Variants in PIBF1 observed in about 807,000 individuals in gnomAD.
PIBF1 encodes progesterone-induced-blocking factor 1.
Under a neutral mutation model 112.5 loss-of-function variants are expected in PIBF1, and 90 were observed. The ratio of observed to expected loss-of-function variants is 0.80; its 90% confidence interval spans 0.67 to 0.95. The LOEUF is 0.95. Among genes scored for constraint, PIBF1 ranks in the 40% least tolerant of loss-of-function variants. The probability of loss-of-function intolerance (pLI) is 0.00; values close to 1 mark genes in which losing one functional copy is unlikely to be tolerated. For missense variants in PIBF1, 915 were observed against 852.3 expected (o/e 1.07, Z -0.92); for synonymous variants, 301 against 288.6 (o/e 1.04, Z -0.44).
At chr13:72,957,256 C>T (rs1285043489) in intron 14 of PIBF1, among the ~76,000 whole-genome samples, 1 of 152,106 alleles carries the variant, frequency 6.6e-6, no homozygotes, top group Non-Finnish European at 1.5e-5. Flanking sequence ...AAATATGGAA[C>T]CAGCTCAAAT....
chr13:72,796,107 T>C (rs1414258167), intron 4 of PIBF1, among the ~76,000 whole-genome samples: 1 of 152,176 alleles, frequency 6.6e-6, no homozygotes, highest in African/African-American at 2.4e-5. Flanking sequence ...ATATTTACCA[T>C]ACTAGAATTT....
At chr13:73,013,111 C>T (rs1296098159) in intron 17 of PIBF1, among the ~76,000 whole-genome samples, 1 of 151,200 alleles carries the variant, frequency 6.6e-6, no homozygotes, top group Non-Finnish European at 1.5e-5. Context: ...ACCATCCTGG[C>T]TAACACGGTG....
intron 6 of PIBF1, among the ~76,000 whole-genome samples, chr13:72,826,768 T>A (rs1216889616): frequency 1.3e-5 from 2 of 152,238 alleles, no homozygotes; most frequent in East Asian, 3.8e-4. Context: ...TTTACTGTAC[T>A]GGCTTATGTA....
chr13:72,971,239 G>A (rs536423804), intron 15 of PIBF1, among the ~76,000 whole-genome samples: 85 of 151,402 alleles, frequency 5.6e-4, no homozygotes, highest in Non-Finnish European at 1.0e-3. Context: ...CTGAATGTGA[G>A]TATATGCTTA....
At chr13:72,950,037 C>T (rs1456938205) in intron 14 of PIBF1, among the ~76,000 whole-genome samples, 2 of 152,096 alleles carry the variant, frequency 1.3e-5, no homozygotes, top group Non-Finnish European at 2.9e-5. Context: ...GCAAGCTAAT[C>T]CAACCTCTAT....
At chr13:72,796,043 T>TA (rs2035175520) in intron 4 of PIBF1, among the ~76,000 whole-genome samples, 1 of 152,190 alleles carries the variant, frequency 6.6e-6, no homozygotes, top group African/African-American at 2.4e-5. Context: ...ATTTACATTC[T>TA]AAAAGTTATT....
intron 16 of PIBF1, among the ~76,000 whole-genome samples, chr13:72,992,285 C>T (rs768428197): frequency 7.9e-5 from 12 of 152,142 alleles, no homozygotes; most frequent in Non-Finnish European, 1.6e-4. Flanking sequence ...TTACAATGAA[C>T]AAATAATATT....
At chr13:72,990,615 A>G (rs546909489) in intron 16 of PIBF1, among the ~76,000 whole-genome samples, 3 of 152,054 alleles carry the variant, frequency 2.0e-5, no homozygotes, top group African/African-American at 4.8e-5. Flanking sequence ...TGGAAGGCCA[A>G]GGTGGGTGGA....
chr13:72,805,073 A>G (rs1288078797), intron 5 of PIBF1, among the ~76,000 whole-genome samples: 1 of 152,172 alleles, frequency 6.6e-6, no homozygotes, highest in Non-Finnish European at 1.5e-5. Context: ...TCCCGGGTTC[A>G]AGCGATTCTC....
intron 2 of PIBF1, among the ~76,000 whole-genome samples, chr13:72,785,006 G>A (rs1486686046): frequency 6.6e-6 from 1 of 151,966 alleles, no homozygotes; most frequent in Non-Finnish European, 1.5e-5. Context: ...CCACGTAGCT[G>A]GGATTACAAG....
At chr13:72,916,607 G>GT (rs1355484725) in intron 12 of PIBF1, among the ~76,000 whole-genome samples, 3 of 151,854 alleles carry the variant, frequency 2.0e-5, no homozygotes, top group Non-Finnish European at 4.4e-5. Context: ...GAGCTGCACA[G>GT]TTTTTAATAG....
At chr13:72,837,085 A>G (rs2037395951) in intron 9 of PIBF1, among the ~76,000 whole-genome samples, 1 of 152,102 alleles carries the variant, frequency 6.6e-6, no homozygotes, top group Admixed American at 6.5e-5. Context: ...AGAATTTCAA[A>G]ATATAAAAAT....
At chr13:73,015,754 C>A in intron 17 of PIBF1, 115 bp from the exon 18 acceptor site, 1 of 418,398 alleles carries the variant, frequency 2.4e-6, no homozygotes. Context: ...TTAAGAAAAG[C>A]AATTTTTTAG....
At chr13:72,876,901 C>CT (rs2039432496) in intron 10 of PIBF1, among the ~76,000 whole-genome samples, 1 of 152,100 alleles carries the variant, frequency 6.6e-6, no homozygotes, top group Admixed American at 6.6e-5. Context: ...AATCTATATA[C>CT]TTTTTCTTTT....
chr13:72,790,538 GATA>G (rs1434573632), intron 2 of PIBF1, among the ~76,000 whole-genome samples: 1 of 149,670 alleles, frequency 6.7e-6, no homozygotes, highest in African/African-American at 2.5e-5. Context: ...TAGATAGATA[GATA>G]GATAGATAGA....
chr13:72,812,380 C>A (rs1428903814), intron 5 of PIBF1, among the ~76,000 whole-genome samples: 1 of 151,854 alleles, frequency 6.6e-6, no homozygotes, highest in East Asian at 1.9e-4. Flanking sequence ...ATGTCATTGC[C>A]CATGTTTGCA....
At chr13:72,815,163 A>T (rs2036206800) in intron 5 of PIBF1, among the ~76,000 whole-genome samples, 1 of 152,246 alleles carries the variant, frequency 6.6e-6, no homozygotes. Flanking sequence ...AATTTTGCTT[A>T]TTACTACAGA....
chr13:72,806,219 C>G (rs746096116), intron 5 of PIBF1, among the ~76,000 whole-genome samples: 36 of 152,152 alleles, frequency 2.4e-4, no homozygotes, highest in Non-Finnish European at 4.6e-4. Context: ...CTCCCCCAGT[C>G]ATTGGTAACC....
chr13:72,897,283 T>G (rs1309079049), intron 11 of PIBF1, among the ~76,000 whole-genome samples: 2 of 152,194 alleles, frequency 1.3e-5, no homozygotes, highest in East Asian at 3.8e-4. Context: ...GCCACCACTA[T>G]AAGAACAGCT....
Sources: gnomAD v4.1 joint callset for allele counts (sites outside exome capture counted in the v4.1 genomes callset) on GRCh38, gnomAD v4.1.1 for gene constraint, MANE v1.5 for transcripts, NCBI Gene and HGNC (gene_info 2026-07-23, HGNC 2026-07-21) for gene names.